DCDC1: variants seen among roughly 807,000 people sequenced by gnomAD.
DCDC1 encodes the protein doublecortin domain containing 1.
DCDC1 carries 200 observed loss-of-function variants against 178.3 expected under a neutral mutation model. That is an observed-to-expected ratio of 1.12 (90% CI 1.00 to 1.26). The LOEUF (loss-of-function observed/expected upper bound fraction) is 1.26, where lower values mean the gene tolerates loss of function less well. Ranked by LOEUF, DCDC1 falls within the 50% of genes most tolerant of loss-of-function variation. DCDC1 has a pLI of 0.00. For missense variants in DCDC1, 1,983 were observed against 1,749.2 expected (o/e 1.13, Z -2.38); for synonymous variants, 690 against 604.8 (o/e 1.14, Z -2.07).
At chr11:30,953,914 C>G (rs1006989599) in intron 20 of DCDC1, among the ~76,000 whole-genome samples, 1 of 150,076 alleles carries the variant, frequency 6.7e-6, no homozygotes, top group African/African-American at 2.5e-5. Context: ...GTAAGACAAA[C>G]CAAACAGAAA....
chr11:31,234,916 T>C lies in DCDC1; in HGVS notation c.1221+6534A>G, dbSNP rs553869848. On this transcript the variant is annotated intron_variant, in intron 9 of 38. Transcript: ENST00000684477. ...TGCTGTAACTCTATAAAATTTATTCTCATTTCAAAAGAGTCATAGGCAATA... is the reference window on the plus strand; with the variant it reads ...TGCTGTAACTCTATAAAATTTATTCCCATTTCAAAAGAGTCATAGGCAATA... Among the ~76,000 whole-genome samples the C allele has an allele frequency of 3.3e-5, 5 of 152,330 alleles. No individual in the cohort carries two copies. In the East Asian group the frequency reaches 7.7e-4, roughly 23 times the overall value.
intron 20 of DCDC1, among the ~76,000 whole-genome samples, chr11:30,999,303 T>G (rs1233001538): frequency 6.6e-6 from 1 of 152,192 alleles, no homozygotes; most frequent in Non-Finnish European, 1.5e-5. Flanking sequence ...GATAAATGTA[T>G]CATGGTTATG....
At chr11:31,098,102 T>C (rs1958267997) in intron 15 of DCDC1, among the ~76,000 whole-genome samples, 1 of 152,178 alleles carries the variant, frequency 6.6e-6, no homozygotes, top group Admixed American at 6.5e-5. Context: ...TAAAATAAGT[T>C]TCCTTTTGAG....
intron 9 of DCDC1, among the ~76,000 whole-genome samples, chr11:31,172,085 C>T (rs1305083226): frequency 6.6e-6 from 1 of 152,036 alleles, no homozygotes; most frequent in Non-Finnish European, 1.5e-5. Flanking sequence ...TGACAGATTT[C>T]CATTATGTTA....
chr11:30,964,627 T>C (rs905620157), intron 20 of DCDC1, among the ~76,000 whole-genome samples: 1 of 152,164 alleles, frequency 6.6e-6, no homozygotes, highest in African/African-American at 2.4e-5. Flanking sequence ...ATGTGAATGA[T>C]GATTTGTTTT....
chr11:30,967,651 A>G (rs2134642987), intron 20 of DCDC1, among the ~76,000 whole-genome samples: 1 of 152,312 alleles, frequency 6.6e-6, no homozygotes, highest in African/African-American at 2.4e-5. Flanking sequence ...AAATTGTGGG[A>G]CAGTCTTCAA....
intron 20 of DCDC1, among the ~76,000 whole-genome samples, chr11:30,986,248 A>C (rs1190683729): frequency 6.6e-6 from 1 of 152,046 alleles, no homozygotes; most frequent in Non-Finnish European, 1.5e-5. Context: ...GCAATAGTAA[A>C]AGATTTCCTG....
At chr11:30,940,588 G>C (rs1414859678) in intron 21 of DCDC1, among the ~76,000 whole-genome samples, 1 of 152,066 alleles carries the variant, frequency 6.6e-6, no homozygotes, top group Non-Finnish European at 1.5e-5. Flanking sequence ...CAAGCAGCAG[G>C]ACCTAGACTG....
intron 9 of DCDC1, among the ~76,000 whole-genome samples, chr11:31,229,098 A>T (rs1054995041): frequency 3.3e-5 from 5 of 152,124 alleles, no homozygotes; most frequent in Non-Finnish European, 7.4e-5. Context: ...TACTAAAAAA[A>T]ATTTAATTCA....
At chr11:31,022,645 G>GTGTGTC (rs1241959658) in intron 20 of DCDC1, among the ~76,000 whole-genome samples, 1 of 110,704 alleles carries the variant, frequency 9.0e-6, no homozygotes, top group Non-Finnish European at 1.9e-5. Flanking sequence ...CTTTTAGTTT[G>GTGTGTC]TGTGTGTGTG....
At chr11:31,357,646 T>C (rs1951456140) in intron 1 of DCDC1, among the ~76,000 whole-genome samples, 1 of 152,122 alleles carries the variant, frequency 6.6e-6, no homozygotes, top group South Asian at 2.1e-4. Context: ...GGAAGTCAAA[T>C]TGTCACTGTT....
At chr11:30,880,787 C>T (rs1392860608) in intron 37 of DCDC1, among the ~76,000 whole-genome samples, 3 of 152,044 alleles carry the variant, frequency 2.0e-5, no homozygotes, top group Non-Finnish European at 4.4e-5. Flanking sequence ...AAACTGCAAA[C>T]CACATAATTA....
intron 14 of DCDC1, among the ~76,000 whole-genome samples, chr11:31,103,029 G>A (rs1201894709): frequency 1.3e-5 from 2 of 152,154 alleles, no homozygotes; most frequent in African/African-American, 2.4e-5. Context: ...TAGGAGTAAC[G>A]TAATTGTTGT....
intron 36 of DCDC1, 50 bp downstream of exon 36, chr11:30,892,768 C>G (rs1476406309): frequency 6.2e-7 from 1 of 1,602,058 alleles, no homozygotes. Context: ...AATATCAGAG[C>G]TGGGATTCAA....
chr11:31,270,202 T>C (rs1049686863), intron 7 of DCDC1, among the ~76,000 whole-genome samples: 2 of 152,220 alleles, frequency 1.3e-5, no homozygotes, highest in African/African-American at 2.4e-5. Flanking sequence ...GAATGGCTTG[T>C]ACATTTTGAA....
At chr11:31,257,438 C>T (rs1944482812) in intron 8 of DCDC1, among the ~76,000 whole-genome samples, 1 of 152,032 alleles carries the variant, frequency 6.6e-6, no homozygotes, top group South Asian at 2.1e-4. Flanking sequence ...ACAAAAGGAA[C>T]ACTCTATCTT....
Position 31,110,376 on chromosome 11 carries a change from T to C in DCDC1, c.1486-15A>G. 2 of 697,092 alleles carry C rather than the reference T, an allele frequency of 2.9e-6. No homozygotes were observed. Among genetic ancestry groups the C allele is most frequent in the Non-Finnish European group, 5.2e-6 (2 of 382,284 alleles). 43.2% of individuals were successfully genotyped at this position (697,092 alleles called of 1,614,324 possible). A position where few individuals can be genotyped will look rare whatever the true frequency, so the allele number is the denominator to read the frequency against. On this transcript the variant is annotated splice_polypyrimidine_tract_variant and intron_variant, in intron 11 of 38. Coordinates refer to ENST00000684477, the MANE Select transcript of DCDC1 (RefSeq NM_001387274.1). ...TTTTCAAATACCTGAAAAATAAACA[T>C]ATTCAAAAATAAAAATAAATACATG...
Position 31,088,022 on chromosome 11 carries a change from G to A in DCDC1, c.2237+3371C>T, listed in dbSNP as rs557053440. Among the ~76,000 whole-genome samples the A allele has an allele frequency of 5.9e-5, 9 of 151,910 alleles. No homozygotes were observed. In the South Asian group the frequency reaches 1.5e-3, roughly 25 times the overall value. Reference sequence around the variant, plus strand: ...GTGCCATTTTTAAAAAATTAGAATCGTTATGTTCTCGTGATAAATTAACCC... The same window carrying A: ...GTGCCATTTTTAAAAAATTAGAATCATTATGTTCTCGTGATAAATTAACCC... On this transcript the variant is annotated intron_variant, in intron 17 of 38. Transcript: ENST00000684477.
Position 30,863,637 on chromosome 11 carries a change from T to C in DCDC1, c.*1736A>G, listed in dbSNP as rs112639866. 79 of 152,320 alleles carry C rather than the reference T, an allele frequency of 5.2e-4. No homozygotes were observed. Among genetic ancestry groups the C allele is most frequent in the African/African-American group, 1.8e-3 (74 of 41,584 alleles). 9.4% of individuals were successfully genotyped at this position (152,320 alleles called of 1,614,324 possible). ...ATCTACATGGTTTATTGTTTTTGAA[T>C]AAAACAAAATAAGATATTACTACAG... On this transcript the variant is annotated 3_prime_UTR_variant, in exon 39 of 39. Transcript: ENST00000684477.
Sources: gnomAD v4.1 joint callset for allele counts (sites outside exome capture counted in the v4.1 genomes callset) on GRCh38, gnomAD v4.1.1 for gene constraint, MANE v1.5 for transcripts, NCBI Gene and HGNC (gene_info 2026-07-23, HGNC 2026-07-21) for gene names.